Variants in CADPS2 observed in about 807,000 individuals in gnomAD.
CADPS2 encodes calcium-dependent secretion activator 2.
Under a neutral mutation model 172.5 loss-of-function variants are expected in CADPS2, and 93 were observed. The observed-to-expected ratio is 0.54, with a 90% CI of 0.46 to 0.64. CADPS2 has a LOEUF of 0.64. CADPS2 is among the 30% of genes least tolerant of loss of function. The pLI is 0.00. For missense variants in CADPS2, 1,420 were observed against 1,565.9 expected, an observed-to-expected ratio of 0.91 and a Z score of 1.57; for synonymous variants, 546 against 555.2, an observed-to-expected ratio of 0.98 and a Z score of 0.23.
At chr7:122,354,490 T>C (rs1297903506) in intron 27 of CADPS2, 1 of 152,156 alleles carries the variant, frequency 6.6e-6, no homozygotes, top group Non-Finnish European at 1.5e-5. Context: ...TCCATATTAT[T>C]GTCAAACATG....
At chr7:122,471,020 A>C (rs1357101644) in intron 14 of CADPS2, among the ~76,000 whole-genome samples, 1 of 152,158 alleles carries the variant, frequency 6.6e-6, no homozygotes, top group Non-Finnish European at 1.5e-5. Context: ...CAGACCTATC[A>C]ACACATCCTA....
rs755399436 is a variant in CADPS2 at position 122,320,163 on chromosome 7, T to A, written c.*2A>T. ...TCCTTCCTTCTGCAAAGCTGTGTGATATCAGCCTTCTTCTTCTTCGTCACT... is the reference window on the plus strand; with the variant it reads ...TCCTTCCTTCTGCAAAGCTGTGTGAAATCAGCCTTCTTCTTCTTCGTCACT... On this transcript the variant is annotated 3_prime_UTR_variant, in exon 30 of 30. Coordinates refer to ENST00000449022, the MANE Select transcript of CADPS2 (RefSeq NM_017954.11). The A allele has an allele frequency of 1.9e-6, 3 of 1,597,470 alleles. No homozygotes were observed. The highest frequency in any genetic ancestry group is 1.7e-6 in the Non-Finnish European group (2 of 1,172,390).
At chr7:122,542,025 CTA>C (rs934122405) in intron 8 of CADPS2, among the ~76,000 whole-genome samples, 19 of 151,398 alleles carry the variant, frequency 1.3e-4, no homozygotes, top group African/African-American at 4.6e-4. Context: ...CATAAATTAT[CTA>C]TTGTGTAATG....
intron 1 of CADPS2, among the ~76,000 whole-genome samples, chr7:122,776,125 A>C (rs35931003): frequency 0.19 from 28,786 of 152,142 alleles, 2,840 homozygotes; most frequent in Middle Eastern, 0.27. Flanking sequence ...CTCATATTGA[A>C]TTGTAGCTCC....
At chr7:122,829,528 T>C (rs1190373408) in intron 1 of CADPS2, among the ~76,000 whole-genome samples, 1 of 152,060 alleles carries the variant, frequency 6.6e-6, no homozygotes, top group African/African-American at 2.4e-5. Flanking sequence ...ATTTATCCTA[T>C]GGAAAAAAAG....
chr7:122,742,163 G>A (rs1188850319), intron 1 of CADPS2, among the ~76,000 whole-genome samples: 1 of 152,100 alleles, frequency 6.6e-6, no homozygotes, highest in South Asian at 2.1e-4. Flanking sequence ...GGTCAAGGCA[G>A]GCGGATCACC....
At chr7:122,445,024 AT>A (rs1326094537) in intron 15 of CADPS2, among the ~76,000 whole-genome samples, 1 of 152,138 alleles carries the variant, frequency 6.6e-6, no homozygotes, top group African/African-American at 2.4e-5. Flanking sequence ...TACTTTGCAA[AT>A]TGCCCTTGAA....
intron 7 of CADPS2, among the ~76,000 whole-genome samples, 178 bp from the exon 8 acceptor site, chr7:122,554,867 AT>A (rs200799885): frequency 0.03 from 4,309 of 145,426 alleles, 78 homozygotes; most frequent in South Asian, 0.057. Context: ...GACTCAATTT[AT>A]TTTTTTGACA....
intron 11 of CADPS2, among the ~76,000 whole-genome samples, chr7:122,489,063 A>G (rs1485858365): frequency 6.6e-6 from 1 of 152,200 alleles, no homozygotes; most frequent in East Asian, 1.9e-4. Context: ...TTTTAAATCA[A>G]TGAAAAAATT....
chr7:122,539,748 T>TCTCTCTCTCTCC (rs1563639521), intron 8 of CADPS2, among the ~76,000 whole-genome samples: 1 of 115,782 alleles, frequency 8.6e-6, no homozygotes, highest in South Asian at 2.8e-4. Flanking sequence ...TCCCTCTCTC[T>TCTCTCTCTCTCC]CTGTCTCTCT....
chr7:122,442,628 TG>T (rs1210749536), intron 15 of CADPS2, among the ~76,000 whole-genome samples: 2 of 152,234 alleles, frequency 1.3e-5, no homozygotes, highest in African/African-American at 4.8e-5. Context: ...AAGTTTAACT[TG>T]TTTTATACAA....
chr7:122,735,940 T>C (rs755005817), intron 2 of CADPS2, among the ~76,000 whole-genome samples: 10 of 152,166 alleles, frequency 6.6e-5, no homozygotes, highest in South Asian at 2.1e-4. Context: ...TAAGGTCCTA[T>C]AGATGTTAAA....
intron 22 of CADPS2, among the ~76,000 whole-genome samples, chr7:122,390,179 T>C (rs184029481): frequency 3.3e-5 from 5 of 152,188 alleles, no homozygotes; most frequent in South Asian, 2.1e-4. Context: ...CGTAGCACTT[T>C]ACTCACTTAA....
chr7:122,381,448 A>G (rs11972625), intron 24 of CADPS2, among the ~76,000 whole-genome samples: 2,747 of 152,170 alleles, frequency 0.018, 84 homozygotes, highest in African/African-American at 0.062. Flanking sequence ...CTTATCCCCA[A>G]TGTTTTTCTC....
chr7:122,663,657 G>C (rs942103864), intron 2 of CADPS2, 88 bp from the exon 3 acceptor site: 11 of 937,190 alleles, frequency 1.2e-5, no homozygotes, highest in Admixed American at 2.7e-5. Flanking sequence ...AATCCAGCCA[G>C]AGTTTCTACA....
intron 3 of CADPS2, among the ~76,000 whole-genome samples, chr7:122,643,346 C>T (rs1321769067): frequency 6.6e-6 from 1 of 152,216 alleles, no homozygotes; most frequent in Non-Finnish European, 1.5e-5. Context: ...CATAGCTCTA[C>T]CCAACTGACT....
chr7:122,523,277 A>T (rs1161804286), intron 8 of CADPS2, among the ~76,000 whole-genome samples: 1 of 152,162 alleles, frequency 6.6e-6, no homozygotes, highest in Non-Finnish European at 1.5e-5. Context: ...ATAGATGTCA[A>T]TGCACTGTCA....
At chr7:122,662,041 T>C (rs1413790640) in intron 3 of CADPS2, among the ~76,000 whole-genome samples, 1 of 152,218 alleles carries the variant, frequency 6.6e-6, no homozygotes, top group East Asian at 1.9e-4. Flanking sequence ...CCTCAGTGAT[T>C]TACTATTAAC....
chr7:122,464,586 C>G (rs1039726184), intron 14 of CADPS2, among the ~76,000 whole-genome samples: 2 of 152,092 alleles, frequency 1.3e-5, no homozygotes, highest in Non-Finnish European at 1.5e-5. Flanking sequence ...CAGGATGTCA[C>G]GCGGATATTA....
Sources: allele counts gnomAD v4.1 joint callset (sites outside exome capture counted in the v4.1 genomes callset), GRCh38; gene constraint gnomAD v4.1.1; transcripts MANE v1.5; gene names NCBI Gene and HGNC (gene_info 2026-07-23, HGNC 2026-07-21).